Variants in CSMD1 observed in about 807,000 individuals in gnomAD.
CSMD1 encodes CUB and Sushi multiple domains 1.
In CSMD1, 213 loss-of-function variants were observed where a neutral mutation model predicts 417.5. The ratio of observed to expected loss-of-function variants is 0.51; its 90% CI spans 0.46 to 0.57. CSMD1 has a LOEUF of 0.57. Ranked by LOEUF, CSMD1 falls within the 20% of genes least tolerant of loss-of-function variation. The pLI is 0.00. For synonymous variants in CSMD1, 2,862 were observed against 1,736.8 expected, an observed-to-expected ratio of 1.65 and a Z score of -16.11; for missense variants, 6,923 against 4,529.7, an observed-to-expected ratio of 1.53 and a Z score of -15.17.
At chr8:4,186,134 G>A (rs942288601) in intron 3 of CSMD1, among the ~76,000 whole-genome samples, 1 of 152,120 alleles carries the variant, frequency 6.6e-6, no homozygotes, top group Admixed American at 6.6e-5. Flanking sequence ...CAACGATTTG[G>A]CATCCAGAGG....
intron 5 of CSMD1, among the ~76,000 whole-genome samples, chr8:3,889,958 G>T (rs867188686): frequency 3.7e-4 from 56 of 152,212 alleles, no homozygotes; most frequent in African/African-American, 1.3e-3. Context: ...TGAGGTGGGA[G>T]GATTGCTTGA....
intron 40 of CSMD1, among the ~76,000 whole-genome samples, chr8:3,149,885 C>T (rs982074586): frequency 6.6e-6 from 1 of 152,192 alleles, no homozygotes; most frequent in Non-Finnish European, 1.5e-5. Context: ...TCAGATTTCT[C>T]TCATTCTCTG....
At chr8:4,356,532 C>G (rs147951447) in intron 3 of CSMD1, among the ~76,000 whole-genome samples, 62 of 152,278 alleles carry the variant, frequency 4.1e-4, no homozygotes, top group African/African-American at 1.4e-3. Context: ...TTGTTGAAGT[C>G]TTAGAGTATT....
chr8:3,263,439 T>A (rs756084106), intron 26 of CSMD1, among the ~76,000 whole-genome samples: 1 of 152,210 alleles, frequency 6.6e-6, no homozygotes, highest in African/African-American at 2.4e-5. Flanking sequence ...AATTCCCCTA[T>A]GTATATATGG....
intron 1 of CSMD1, among the ~76,000 whole-genome samples, chr8:4,845,029 A>C (rs1228849220): frequency 6.6e-6 from 1 of 151,342 alleles, no homozygotes; most frequent in Non-Finnish European, 1.5e-5. Flanking sequence ...TTTTACATGC[A>C]TATTTACAAA....
rs1426864995 is a variant in CSMD1 at position 4,368,281 on chromosome 8, A to T, written c.415+51672T>A. Among the ~76,000 whole-genome samples the T allele has an allele frequency of 5.9e-5, 9 of 152,266 alleles. No homozygotes were observed. The East Asian group carries it at 1.5e-3, about 26-fold the overall frequency. On this transcript the variant is annotated intron_variant, in intron 3 of 69. Coordinates refer to ENST00000635120, the MANE Select transcript of CSMD1 (RefSeq NM_033225.6). ...GCTTTTTTGTTCTGTGTATATGGTG[A>T]ATCACATTTATTGATATGTGTATGT...
intron 2 of CSMD1, among the ~76,000 whole-genome samples, chr8:4,432,353 C>A (rs1797918864): frequency 6.6e-6 from 1 of 152,146 alleles, no homozygotes; most frequent in Non-Finnish European, 1.5e-5. Context: ...GTAGAATCCC[C>A]TTCCCTGGCT....
At chr8:3,434,811 T>C (rs1160315855) in intron 12 of CSMD1, among the ~76,000 whole-genome samples, 1 of 152,208 alleles carries the variant, frequency 6.6e-6, no homozygotes, top group African/African-American at 2.4e-5. Flanking sequence ...TTCTCGCCTA[T>C]ATTTCTATGA....
At chr8:3,989,083 T>A (rs1161414514) in intron 5 of CSMD1, among the ~76,000 whole-genome samples, 1 of 152,238 alleles carries the variant, frequency 6.6e-6, no homozygotes, top group Admixed American at 6.5e-5. Flanking sequence ...TCTATGGCAC[T>A]GTTTCTTACA....
intron 3 of CSMD1, among the ~76,000 whole-genome samples, chr8:4,279,280 A>G (rs1796652283): frequency 6.6e-6 from 1 of 152,194 alleles, no homozygotes; most frequent in Non-Finnish European, 1.5e-5. Context: ...TATTTAGTGT[A>G]AAAAGCCAAC....
At chr8:4,146,245 G>C (rs1295166195) in intron 3 of CSMD1, among the ~76,000 whole-genome samples, 1 of 151,000 alleles carries the variant, frequency 6.6e-6, no homozygotes, top group African/African-American at 2.5e-5. Flanking sequence ...CCTCTCCCAG[G>C]ACCCTCATCC....
chr8:3,216,908 G>C (rs1419402284), intron 29 of CSMD1, among the ~76,000 whole-genome samples: 1 of 152,208 alleles, frequency 6.6e-6, no homozygotes, highest in East Asian at 1.9e-4. Context: ...CACTTGCTCT[G>C]GGCTGCATGC....
At chr8:4,205,800 T>G (rs963442920) in intron 3 of CSMD1, among the ~76,000 whole-genome samples, 3 of 152,036 alleles carry the variant, frequency 2.0e-5, no homozygotes, top group Non-Finnish European at 4.4e-5. Context: ...TAGATATTTG[T>G]GGGGGTAAAA....
At chr8:2,951,370 G>A (rs573547870) in intron 65 of CSMD1, 95 bp from the exon 66 acceptor site, 15 of 1,287,676 alleles carry the variant, frequency 1.2e-5, no homozygotes, top group Admixed American at 2.6e-5. Context: ...TGCTTAGCGA[G>A]CGATCACAGA....
Position 4,424,056 on chromosome 8 carries a change from A to G in CSMD1, c.303-3991T>C, listed in dbSNP as rs60683445. Among the ~76,000 whole-genome samples, 486 of 152,206 alleles carry G rather than the reference A, an allele frequency of 3.2e-3. 4 individuals carry two copies. The highest frequency in any genetic ancestry group is 0.011 in the African/African-American group (466 of 41,568). ...TATAAAAATTACCTCAATGTGGATT[A>G]CAAATATAAATGTAAAATGTAAAGC... On this transcript the variant is annotated intron_variant, in intron 2 of 69. Transcript: ENST00000635120.
At chr8:3,208,431 T>C (rs186005490) in intron 30 of CSMD1, among the ~76,000 whole-genome samples, 1 of 152,214 alleles carries the variant, frequency 6.6e-6, no homozygotes, top group African/African-American at 2.4e-5. Flanking sequence ...CACACACAGC[T>C]AATTTTTGTA....
At chr8:3,303,729 A>T (rs11779473) in intron 25 of CSMD1, among the ~76,000 whole-genome samples, 3,708 of 152,320 alleles carry the variant, frequency 0.024, 54 homozygotes, top group Middle Eastern at 0.037. Flanking sequence ...TTGTTACATA[A>T]AGCAAAGCAT....
chr8:4,330,506 C>G (rs922596831), intron 3 of CSMD1, among the ~76,000 whole-genome samples: 1 of 151,556 alleles, frequency 6.6e-6, no homozygotes, highest in Non-Finnish European at 1.5e-5. Flanking sequence ...AGGAGGATCA[C>G]TTGAACCGAG....
chr8:4,581,615 T>C (rs1349851182), intron 2 of CSMD1, among the ~76,000 whole-genome samples: 2 of 152,372 alleles, frequency 1.3e-5, no homozygotes, highest in African/African-American at 2.4e-5. Context: ...TATTTAGGAA[T>C]TGATTCCTCA....
Sources: gnomAD v4.1 joint callset for allele counts (sites outside exome capture counted in the v4.1 genomes callset) on GRCh38, gnomAD v4.1.1 for gene constraint, MANE v1.5 for transcripts, NCBI Gene and HGNC (gene_info 2026-07-23, HGNC 2026-07-21) for gene names.